NCKAP5: variants seen among roughly 807,000 people sequenced by gnomAD.
NCKAP5 encodes the protein NCK associated protein 5, also known as nck-associated protein 5.
Under a neutral mutation model 167.0 loss-of-function variants are expected in NCKAP5, and 92 were observed. That is an observed-to-expected ratio of 0.55 (90% CI 0.47 to 0.66). The LOEUF (loss-of-function observed/expected upper bound fraction) is 0.66. NCKAP5 is among the 30% of genes least tolerant of loss of function. The pLI, the probability that NCKAP5 is intolerant of heterozygous loss-of-function variation, is 0.00. For missense variants in NCKAP5, 2,378 were observed against 2,315.0 expected (o/e 1.03, Z -0.56); for synonymous variants, 891 against 877.4 (o/e 1.02, Z -0.27).
intron 3 of NCKAP5, among the ~76,000 whole-genome samples, chr2:133,438,779 A>C (rs1026081006): frequency 1.3e-5 from 2 of 152,344 alleles, no homozygotes; most frequent in South Asian, 4.1e-4. Context: ...TATTTGATAT[A>C]GTTCTACCAA....
rs76449408 is a variant in NCKAP5 at position 133,403,276 on chromosome 2, C to T, written c.70-100166G>A. 6.8e-3 allele frequency among the ~76,000 whole-genome samples: 1,028 copies of T among 152,216 alleles called. 16 individuals carry two copies. The highest frequency in any genetic ancestry group is 0.024 in the African/African-American group (980 of 41,516). On this transcript the variant is annotated intron_variant, in intron 3 of 19. Transcript: ENST00000409261. ...AATTATGAGTAATTAAAATGTCATG[C>T]ACCAATGATGATTAGTGACAATTGG...
intron 9 of NCKAP5, among the ~76,000 whole-genome samples, chr2:132,873,434 A>G (rs1435864626): frequency 6.6e-6 from 1 of 152,158 alleles, no homozygotes; most frequent in Non-Finnish European, 1.5e-5. Context: ...TTTTAAGAAT[A>G]AGGGATTCTA....
At chr2:133,206,391 G>T (rs13393264) in intron 5 of NCKAP5, among the ~76,000 whole-genome samples, 12,590 of 152,074 alleles carry the variant, frequency 0.083, 1,690 homozygotes, top group African/African-American at 0.28. Context: ...CTTTTATAAT[G>T]TCTTATGCCT....
Position 133,262,926 on chromosome 2 carries a change from T to A in NCKAP5, c.143+40111A>T, listed in dbSNP as rs557135098. The stretch of plus-strand genomic sequence containing the variant: ...GAAGACTGACACCCCTGAGCCCGGA[T>A]GATGTTAGCCATCAGCACAGTGCTC... On this transcript the variant is annotated intron_variant, in intron 4 of 19. Transcript: ENST00000409261. 2.0e-5 allele frequency among the ~76,000 whole-genome samples: 3 copies of A among 152,312 alleles called. No homozygotes were observed. The East Asian group carries it at 5.8e-4, about 29-fold the overall frequency.
At position 133,398,734 on chromosome 2, in the gene NCKAP5, G is replaced by T. The variant is rs114794338; in HGVS notation, c.70-95624C>A. ...ACATCTTTGCAGAAAGACTTAAGGG[G>T]TGATTGGGAGCATAGCCAAGCAGAT... On this transcript the variant is annotated intron_variant, in intron 3 of 19. Transcript: ENST00000409261. Among the ~76,000 whole-genome samples, 552 of 152,292 alleles carry T rather than the reference G, an allele frequency of 3.6e-3. 2 individuals are homozygous for T. Among genetic ancestry groups the T allele is most frequent in the African/African-American group, 0.012 (516 of 41,554 alleles).
At chr2:133,212,279 A>T (rs1209545145) in intron 5 of NCKAP5, among the ~76,000 whole-genome samples, 1 of 152,218 alleles carries the variant, frequency 6.6e-6, no homozygotes. Flanking sequence ...AAATGCAGTG[A>T]AAAGTCCAGA....
intron 3 of NCKAP5, among the ~76,000 whole-genome samples, chr2:133,318,598 G>A (rs1681786994): frequency 1.3e-5 from 2 of 152,146 alleles, no homozygotes; most frequent in African/African-American, 4.8e-5. Context: ...CTCTCCTGAG[G>A]GGCCAAACCA....
chr2:133,210,875 T>C (rs1417511212), intron 5 of NCKAP5, among the ~76,000 whole-genome samples: 1 of 152,138 alleles, frequency 6.6e-6, no homozygotes, highest in African/African-American at 2.4e-5. Flanking sequence ...ATGAATAGTA[T>C]TAAGTTCAAT....
At chr2:133,262,015 C>T (rs570465140) in intron 4 of NCKAP5, among the ~76,000 whole-genome samples, 1 of 152,136 alleles carries the variant, frequency 6.6e-6, no homozygotes, top group Non-Finnish European at 1.5e-5. Context: ...CTCATCCAGT[C>T]CAAAGTGATA....
rs1558747401 is a variant in NCKAP5 at position 133,517,658 on chromosome 2, C to G, written c.-61-71G>C. 3 of 470,702 alleles carry G rather than the reference C, an allele frequency of 6.4e-6. 1 individual carries two copies. In the South Asian group the frequency reaches 2.4e-4, roughly 38 times the overall value. 29.2% of individuals were successfully genotyped at this position (470,702 alleles called of 1,614,324 possible). ...TAGACCTTTGTTTTTAACTCTCTAA[C>G]CAGAAACAAGCATTGAAGTCAAAAA... On this transcript the variant is annotated intron_variant, in intron 2 of 19. Transcript: ENST00000409261.
Position 132,886,736 on chromosome 2 carries a change from T to A in NCKAP5, c.580-7820A>T, listed in dbSNP as rs571044482. The stretch of plus-strand genomic sequence containing the variant: ...AGAATATCATGGCAATGATATTGTG[T>A]CCTTCTTAGTGCATTGTATCAGGAG... On this transcript the variant is annotated intron_variant, in intron 8 of 19. Transcript: ENST00000409261. Among the ~76,000 whole-genome samples, 9 of 152,340 alleles carry A rather than the reference T, an allele frequency of 5.9e-5. 1 individual carries two copies. In the South Asian group the frequency reaches 1.9e-3, roughly 32 times the overall value.
chr2:133,171,659 G>A (rs1021490608), intron 5 of NCKAP5, among the ~76,000 whole-genome samples: 1 of 152,158 alleles, frequency 6.6e-6, no homozygotes, highest in Non-Finnish European at 1.5e-5. Context: ...AAGGTGCTTA[G>A]CTTCTTCCTC....
intron 5 of NCKAP5, among the ~76,000 whole-genome samples, chr2:133,155,227 T>C (rs760363880): frequency 2.4e-4 from 36 of 152,180 alleles, no homozygotes; most frequent in Non-Finnish European, 3.2e-4. Flanking sequence ...AAACAGGAGA[T>C]CAGAGGAAGG....
chr2:133,641,006 TTC>T, the NCKAP5 span, among the ~76,000 whole-genome samples: 1 of 152,234 alleles, frequency 6.6e-6, no homozygotes, highest in Non-Finnish European at 1.5e-5. Flanking sequence ...TGTACTCAAT[TTC>T]TCTCTTTATC....
chr2:133,534,824 T>C (rs2104847420), intron 2 of NCKAP5, among the ~76,000 whole-genome samples: 1 of 152,352 alleles, frequency 6.6e-6, no homozygotes, highest in Middle Eastern at 3.4e-3. Flanking sequence ...ATATGTTTTC[T>C]TTACTCTTGG....
At chr2:133,355,499 G>A (rs1236115702) in intron 3 of NCKAP5, among the ~76,000 whole-genome samples, 1 of 152,160 alleles carries the variant, frequency 6.6e-6, no homozygotes, top group Non-Finnish European at 1.5e-5. Flanking sequence ...GATACAGCTG[G>A]AAATGTCTTT....
intron 19 of NCKAP5, among the ~76,000 whole-genome samples, chr2:132,704,054 C>G (rs1434784289): frequency 6.6e-6 from 1 of 152,184 alleles, no homozygotes; most frequent in Non-Finnish European, 1.5e-5. Context: ...CTTCCCAGTG[C>G]TCTTGAAACT....
At chr2:133,073,971 C>A (rs867436871) in intron 6 of NCKAP5, among the ~76,000 whole-genome samples, 3 of 152,268 alleles carry the variant, frequency 2.0e-5, no homozygotes, top group Middle Eastern at 3.4e-3. Flanking sequence ...CTGGCACTCA[C>A]CAATGAGAGC....
chr2:132,833,543 G>A (rs1274214259), intron 11 of NCKAP5, among the ~76,000 whole-genome samples: 1 of 152,108 alleles, frequency 6.6e-6, no homozygotes, highest in Non-Finnish European at 1.5e-5. Flanking sequence ...TTTGTACATG[G>A]TGAGCGATGT....
Sources: allele counts gnomAD v4.1 joint callset (sites outside exome capture counted in the v4.1 genomes callset), GRCh38; gene constraint gnomAD v4.1.1; transcripts MANE v1.5; gene names NCBI Gene and HGNC (gene_info 2026-07-23, HGNC 2026-07-21).